FDXR: variants seen among roughly 807,000 people sequenced by gnomAD.
FDXR encodes NADPH:adrenodoxin oxidoreductase, mitochondrial.
FDXR carries 38 observed loss-of-function variants against 58.3 expected under a neutral mutation model. The observed-to-expected ratio is 0.65, with a 90% confidence interval of 0.50 to 0.85. FDXR has a LOEUF of 0.85. FDXR is among the 40% of genes least tolerant of loss of function. The probability of loss-of-function intolerance (pLI) is 0.00; values close to 1 mark genes in which losing one functional copy is unlikely to be tolerated. For missense variants in FDXR, 624 were observed against 671.0 expected, an observed-to-expected ratio of 0.93 and a Z score of 0.77; for synonymous variants, 275 against 273.8, an observed-to-expected ratio of 1.00 and a Z score of -0.04.
intron 2 of FDXR, 129 bp downstream of exon 2, chr17:74,871,907 C>G (rs1161316246): frequency 2.2e-5 from 14 of 644,038 alleles, no homozygotes; most frequent in Non-Finnish European, 3.4e-5. Context: ...TGGGAAGTGT[C>G]CAGGCCAGAT....
chr17:74,866,905 G>A (rs1300501745), intron 2 of FDXR, 29 bp from the exon 3 acceptor site: 1 of 1,608,348 alleles, frequency 6.2e-7, no homozygotes, highest in East Asian at 2.2e-5. Flanking sequence ...GCAGCTGGTG[G>A]GGCCGAGAGA....
chr17:74,867,013 G>C (rs751177379), intron 2 of FDXR, 137 bp from the exon 3 acceptor site: 59 of 1,479,294 alleles, frequency 4.0e-5, no homozygotes, highest in Non-Finnish European at 4.0e-5. Flanking sequence ...CCTCTGCAAG[G>C]AAAAAGAGCA....
At position 74,864,281 on chromosome 17, in the gene FDXR, G is replaced by C; in HGVS notation, c.869C>G (p.Pro290Arg). The change falls in exon 9 of 12, where the codon CCG becomes CGG. Residue 290 changes from proline (P) to arginine (R), a missense_variant. Transcript: ENST00000293195. ...CGATGCCTGGCGGGCAGCTTCCGCC[G>C]GCCCTGGCTTCTCTGTGGCCGTTCG... is the stretch of plus-strand genomic sequence containing the variant. ...LLRTATEKPGPAEAARQASAS... is the reference protein window; with the variant it reads ...LLRTATEKPGRAEAARQASAS... The C allele has an allele frequency of 1.3e-6, 2 of 1,595,000 alleles. No homozygotes were observed. The highest frequency in any genetic ancestry group is 1.7e-6 in the Non-Finnish European group (2 of 1,167,618).
rs140735812 is a variant in FDXR, at chr17:74,866,980, G to A, written c.178-104C>T. 602 of 1,529,418 alleles carry A rather than the reference G, an allele frequency of 3.9e-4. 7 individuals are homozygous for A. In the East Asian group the frequency reaches 0.013, roughly 33 times the overall value. The allele number at this position is 1,529,418 out of a possible 1,614,324, so 94.7% of individuals were successfully genotyped here. ...CAGAGCAGGAGAGTTCAGGACCCTG[G>A]GCTGAGAACACAAGGCTTCCACCCT... is the stretch of plus-strand genomic sequence containing the variant. On this transcript the variant is annotated intron_variant, in intron 2 of 11. Transcript: ENST00000293195.
chr17:74,868,497 T>G, intron 2 of FDXR: 1 of 1,294,170 alleles, frequency 7.7e-7, no homozygotes, highest in Non-Finnish European at 1.1e-6. Flanking sequence ...TGCCACAGCA[T>G]AAAGTTCAAA....
At chr17:74,866,663 G>A in intron 3 of FDXR, 95 bp from the exon 4 acceptor site, 1 of 1,595,116 alleles carries the variant, frequency 6.3e-7, no homozygotes, top group Non-Finnish European at 8.6e-7. Flanking sequence ...CCCCAGGAGG[G>A]AAGCTGGGTG....
chr17:74,868,384 C>G (rs765480020), intron 2 of FDXR: 48 of 682,108 alleles, frequency 7.0e-5, no homozygotes, highest in Non-Finnish European at 7.0e-5. Context: ...TCAGGCAGCC[C>G]GGGGTGCAAC....
intron 7 of FDXR, 36 bp downstream of exon 7, chr17:74,864,788 C>T (rs979478271): frequency 3.1e-6 from 5 of 1,613,476 alleles, no homozygotes; most frequent in Admixed American, 1.7e-5. Flanking sequence ...CCCCCTCCAC[C>T]TGGAACCCTG....
chr17:74,863,267 GGGAA>G, intron 10 of FDXR, 21 bp from the exon 11 acceptor site: 1 of 1,603,148 alleles, frequency 6.2e-7, no homozygotes, highest in South Asian at 1.1e-5. Flanking sequence ...GTAACAAAAG[GGGAA>G]GGGAGGGAGG....
chr17:74,866,431 C>A lies in FDXR; in HGVS notation c.393+15G>T. The A allele has an allele frequency of 6.2e-7, 1 of 1,612,282 alleles. No individual in the cohort carries two copies. Among genetic ancestry groups the A allele is most frequent in the South Asian group, 1.1e-5 (1 of 90,870 alleles). On this transcript the variant is annotated intron_variant, in intron 4 of 11. Coordinates refer to ENST00000293195, the MANE Select transcript of FDXR (RefSeq NM_024417.5). ...CAGCCCCTGCCTCCCCAAGCCAGGG[C>A]CTAGCTGCACTCACCAGCACCACAG...
chr17:74,872,636 CAA>C, intron 1 of FDXR: 4 of 953,052 alleles, frequency 4.2e-6, no homozygotes, highest in South Asian at 1.7e-5. Flanking sequence ...CTGTAGATCT[CAA>C]AGTCTCTCCT....
Position 74,872,044 on chromosome 17 carries a change from G to A in FDXR, c.169C>T (p.Leu57=), listed in dbSNP as rs2038389715. The A allele has an allele frequency of 1.3e-6, 2 of 1,589,270 alleles. No individual in the cohort carries two copies. The highest frequency in any genetic ancestry group is 2.7e-5 in the African/African-American group (2 of 73,828). ...GPAGFYTAQH[L]LKHPQAHVDI... is the part of the protein sequence containing the mutation. ...ATGAGTAAGTGGCTTACCTTTAGCA[G>A]GTGTTGGGCCGTGTAGAAGCCAGCT... The change falls in exon 2 of 12, where the codon CTG becomes TTG. Residue 57 remains leucine, a synonymous_variant. Transcript: ENST00000293195.
chr17:74,871,873 C>T (rs1332428141), intron 2 of FDXR, among the ~76,000 whole-genome samples, 163 bp downstream of exon 2: 1 of 152,142 alleles, frequency 6.6e-6, no homozygotes, highest in Non-Finnish European at 1.5e-5. Flanking sequence ...GGAGGGGAGC[C>T]TCAGGTGTAG....
intron 10 of FDXR, 89 bp from the exon 11 acceptor site, chr17:74,863,335 G>A (rs1052128867): frequency 8.6e-5 from 109 of 1,274,204 alleles, no homozygotes; most frequent in Middle Eastern, 2.2e-4. Context: ...CCACGTGCAC[G>A]CACACAGACA....
At chr17:74,863,754 C>T (rs562132726) in intron 10 of FDXR, 142 bp downstream of exon 10, 8 of 1,017,372 alleles carry the variant, frequency 7.9e-6, no homozygotes, top group South Asian at 3.1e-5. Flanking sequence ...AAGAGGAGGG[C>T]GGCACTGGGT....
intron 2 of FDXR, among the ~76,000 whole-genome samples, chr17:74,867,951 C>T (rs2038249194): frequency 6.6e-6 from 1 of 152,138 alleles, no homozygotes; most frequent in Admixed American, 6.5e-5. Flanking sequence ...AGGGGTCCCA[C>T]AGCTGACACG....
At chr17:74,871,279 C>T (rs2038367322) in intron 2 of FDXR, among the ~76,000 whole-genome samples, 1 of 152,224 alleles carries the variant, frequency 6.6e-6, no homozygotes, top group South Asian at 2.1e-4. Flanking sequence ...GCCCCTTGTC[C>T]TGGGCAGTCC....
intron 2 of FDXR, among the ~76,000 whole-genome samples, chr17:74,870,566 T>C (rs1363558394): frequency 8.4e-6 from 1 of 118,688 alleles, no homozygotes; most frequent in African/African-American, 3.4e-5. Context: ...CTTACTCTCC[T>C]CCCTTCCAAA....
chr17:74,864,682 C>T, intron 7 of FDXR, 118 bp from the exon 8 acceptor site: 1 of 1,424,150 alleles, frequency 7.0e-7, no homozygotes, highest in African/African-American at 1.4e-5. Context: ...TCCCCAAAGG[C>T]ACAGGGCCCC....
Sources: allele counts gnomAD v4.1 joint callset (sites outside exome capture counted in the v4.1 genomes callset), GRCh38; gene constraint gnomAD v4.1.1; transcripts MANE v1.5; gene names NCBI Gene and HGNC (gene_info 2026-07-23, HGNC 2026-07-21).